XRCC4: variants seen among roughly 807,000 people sequenced by gnomAD.
XRCC4 encodes X-ray repair cross complementing 4.
Under a neutral mutation model 39.1 loss-of-function variants are expected in XRCC4, and 28 were observed. The observed-to-expected ratio is 0.72, with a 90% confidence interval of 0.53 to 0.98. The LOEUF (loss-of-function observed/expected upper bound fraction) is 0.98, where lower values mean the gene tolerates loss of function less well. Among genes scored for constraint, XRCC4 ranks in the 50% least tolerant of loss-of-function variants. The pLI is 0.00. For missense variants in XRCC4, 350 were observed against 376.4 expected, an observed-to-expected ratio of 0.93 and a Z score of 0.58; for synonymous variants, 123 against 126.4, an observed-to-expected ratio of 0.97 and a Z score of 0.18.
intron 6 of XRCC4, among the ~76,000 whole-genome samples, chr5:83,239,911 A>G (rs910600626): frequency 6.6e-6 from 1 of 152,000 alleles, no homozygotes; most frequent in Non-Finnish European, 1.5e-5. Context: ...TAATCCCAGC[A>G]CTTTGGGAGG....
chr5:83,136,182 A>T (rs996482585), intron 3 of XRCC4, among the ~76,000 whole-genome samples: 3 of 152,146 alleles, frequency 2.0e-5, no homozygotes, highest in Non-Finnish European at 2.9e-5. Flanking sequence ...ACAAGAGGGT[A>T]TAGTGAATAA....
intron 6 of XRCC4, among the ~76,000 whole-genome samples, chr5:83,214,835 T>C (rs1751792125): frequency 1.2e-5 from 1 of 84,760 alleles, no homozygotes; most frequent in Non-Finnish European, 2.4e-5. Flanking sequence ...AGACTCCTTC[T>C]CAAAAAAAAA....
At chr5:83,295,350 ATGT>A (rs1405315441) in intron 7 of XRCC4, among the ~76,000 whole-genome samples, 1 of 152,060 alleles carries the variant, frequency 6.6e-6, no homozygotes, top group Non-Finnish European at 1.5e-5. Flanking sequence ...CTGTCATAAA[ATGT>A]TGTATATAAT....
intron 7 of XRCC4, among the ~76,000 whole-genome samples, chr5:83,330,110 T>G (rs1756391301): frequency 6.6e-6 from 1 of 152,056 alleles, no homozygotes; most frequent in African/African-American, 2.4e-5. Context: ...TAAAAGGGAA[T>G]TTTTTAATTC....
At chr5:83,244,397 AG>A (rs1001732215) in intron 6 of XRCC4, among the ~76,000 whole-genome samples, 2 of 152,056 alleles carry the variant, frequency 1.3e-5, no homozygotes, top group African/African-American at 4.8e-5. Context: ...TAGACCTTTT[AG>A]GGGTGTCACT....
chr5:83,363,776 T>G, the XRCC4 span, among the ~76,000 whole-genome samples: 1 of 152,212 alleles, frequency 6.6e-6, no homozygotes, highest in African/African-American at 2.4e-5. Context: ...AAGCCTCTTG[T>G]GGAATTGACT....
chr5:83,212,067 T>A (rs1751666867), intron 6 of XRCC4, among the ~76,000 whole-genome samples: 1 of 152,062 alleles, frequency 6.6e-6, no homozygotes, highest in Non-Finnish European at 1.5e-5. Flanking sequence ...TATATCTGTA[T>A]CTATATATAT....
At chr5:83,197,643 T>G (rs1426544606) in intron 4 of XRCC4, among the ~76,000 whole-genome samples, 1 of 152,152 alleles carries the variant, frequency 6.6e-6, no homozygotes, top group African/African-American at 2.4e-5. Flanking sequence ...GATGCTTGAT[T>G]TGCTATTTCT....
chr5:83,165,342 A>C (rs1749415111), intron 3 of XRCC4, among the ~76,000 whole-genome samples: 1 of 152,164 alleles, frequency 6.6e-6, no homozygotes, highest in Non-Finnish European at 1.5e-5. Context: ...TTATAGATAC[A>C]ATTCCAATAT....
intron 3 of XRCC4, among the ~76,000 whole-genome samples, chr5:83,194,443 A>G (rs918510684): frequency 3.3e-5 from 5 of 152,242 alleles, no homozygotes; most frequent in African/African-American, 9.6e-5. Flanking sequence ...GTACGAATGC[A>G]GTTTCACAGT....
intron 7 of XRCC4, among the ~76,000 whole-genome samples, chr5:83,316,229 T>C (rs1410850072): frequency 1.3e-5 from 2 of 152,108 alleles, no homozygotes; most frequent in Non-Finnish European, 2.9e-5. Context: ...TGAAGACTTC[T>C]TATGGATGAG....
At chr5:83,122,750 A>G (rs1449628306) in intron 3 of XRCC4, among the ~76,000 whole-genome samples, 1 of 152,038 alleles carries the variant, frequency 6.6e-6, no homozygotes. Flanking sequence ...TTTCATTTTC[A>G]TTTAAAGTAT....
chr5:83,276,453 T>G lies in XRCC4; in HGVS notation c.893+17776T>G, dbSNP rs769786958. On this transcript the variant is annotated intron_variant, in intron 7 of 7. Transcript: ENST00000396027. ...AGGGATTAATCCATTCATTTATGAA[T>G]GGATTAATGCATTAATGGGTTATCA... 2.2e-3 allele frequency among the ~76,000 whole-genome samples: 327 copies of G among 147,380 alleles called. 1 individual carries two copies. Among genetic ancestry groups the G allele is most frequent in the African/African-American group, 3.5e-3 (130 of 37,142 alleles).
chr5:83,097,061 A>T (rs770175067), intron 1 of XRCC4, among the ~76,000 whole-genome samples: 1 of 152,182 alleles, frequency 6.6e-6, no homozygotes, highest in Non-Finnish European at 1.5e-5. Flanking sequence ...TTATACTCAG[A>T]ACAGAGTCTT....
At chr5:83,367,666 T>C in the XRCC4 span, among the ~76,000 whole-genome samples, 1 of 152,104 alleles carries the variant, frequency 6.6e-6, no homozygotes, top group South Asian at 2.1e-4. Context: ...TAAGTCCTTA[T>C]CAAGCTCTCC....
At chr5:83,198,383 T>C (rs1751039107) in intron 4 of XRCC4, among the ~76,000 whole-genome samples, 1 of 152,134 alleles carries the variant, frequency 6.6e-6, no homozygotes. Context: ...CATAGGATAT[T>C]ATATGAGAAT....
intron 6 of XRCC4, among the ~76,000 whole-genome samples, chr5:83,229,627 A>G (rs928574013): frequency 5.9e-5 from 9 of 151,504 alleles, no homozygotes; most frequent in African/African-American, 2.2e-4. Context: ...TCATTCCATT[A>G]AAACTTTATT....
intron 3 of XRCC4, among the ~76,000 whole-genome samples, chr5:83,147,628 C>G (rs1012829419): frequency 1.2e-4 from 18 of 152,030 alleles, no homozygotes; most frequent in African/African-American, 4.4e-4. Context: ...TTCAAGGGAT[C>G]TGTTGTATAA....
At chr5:83,324,746 A>G (rs1281846549) in intron 7 of XRCC4, among the ~76,000 whole-genome samples, 1 of 152,138 alleles carries the variant, frequency 6.6e-6, no homozygotes, top group Non-Finnish European at 1.5e-5. Flanking sequence ...GATTAGCCCT[A>G]AGACTCTGCT....
Sources: gnomAD v4.1 joint callset for allele counts (sites outside exome capture counted in the v4.1 genomes callset) on GRCh38, gnomAD v4.1.1 for gene constraint, MANE v1.5 for transcripts, NCBI Gene and HGNC (gene_info 2026-07-23, HGNC 2026-07-21) for gene names.